RPA3: variants seen among roughly 807,000 people sequenced by gnomAD.
RPA3 encodes replication protein A3.
Under a neutral mutation model 13.7 loss-of-function variants are expected in RPA3, and 24 were observed. The ratio of observed to expected loss-of-function variants is 1.75; its 90% CI spans 1.27 to 2.46. The LOEUF (loss-of-function observed/expected upper bound fraction) is 2.46, where lower values mean the gene tolerates loss of function less well. RPA3 is among the 30% of genes most tolerant of loss of function. RPA3 has a pLI of 0.00. For missense variants in RPA3, 183 were observed against 151.0 expected, an observed-to-expected ratio of 1.21 and a Z score of -1.11; for synonymous variants, 59 against 51.2, an observed-to-expected ratio of 1.15 and a Z score of -0.65.
chr7:7,686,487 T>C (rs574345713), intron 3 of RPA3, among the ~76,000 whole-genome samples: 1 of 152,320 alleles, frequency 6.6e-6, no homozygotes, highest in Non-Finnish European at 1.5e-5. Context: ...TTCAGCAAGA[T>C]TGAGAATTAT....
At chr7:7,697,505 G>A (rs146163771) in intron 2 of RPA3, among the ~76,000 whole-genome samples, 1 of 152,148 alleles carries the variant, frequency 6.6e-6, no homozygotes, top group Admixed American at 6.6e-5. Flanking sequence ...TTTGAAATAT[G>A]ATTGTGGCTT....
intron 4 of RPA3, among the ~76,000 whole-genome samples, chr7:7,684,784 G>T (rs183468152): frequency 1.3e-5 from 2 of 152,318 alleles, no homozygotes; most frequent in East Asian, 3.9e-4. Flanking sequence ...ACCAACATCT[G>T]AGGTACCTTT....
At position 7,685,334 on chromosome 7, in the gene RPA3, G is replaced by T. The variant is rs1489017585; in HGVS notation, c.-758+496C>A. 2.8e-5 allele frequency among the ~76,000 whole-genome samples: 4 copies of T among 143,186 alleles called. No individual in the cohort carries two copies. In the South Asian group the frequency reaches 6.5e-4, roughly 23 times the overall value. The allele number at this position is 143,186 out of a possible 152,430, so 93.9% of individuals were successfully genotyped here. A position where few individuals can be genotyped will look rare whatever the true frequency, so the allele number is the denominator to read the frequency against. ...TTGATCTTTTTTTTTTTTTTGAGAC[G>T]GAGTCTTGCTCTGTCTCCAGGCTGG... On this transcript the variant is annotated intron_variant, in intron 4 of 7. Transcript: ENST00000223129.
intron 2 of RPA3, among the ~76,000 whole-genome samples, chr7:7,690,645 A>G (rs1780151731): frequency 6.6e-6 from 1 of 152,196 alleles, no homozygotes; most frequent in African/African-American, 2.4e-5. Context: ...TTTCTGTTTG[A>G]TAGTTATATA....
intron 4 of RPA3, among the ~76,000 whole-genome samples, chr7:7,663,751 G>T (rs1047187440): frequency 1.3e-5 from 2 of 152,104 alleles, no homozygotes; most frequent in African/African-American, 4.8e-5. Flanking sequence ...ATGCAAAATT[G>T]GTTAGTATCC....
chr7:7,657,588 T>C (rs931499165), intron 4 of RPA3, among the ~76,000 whole-genome samples: 2 of 152,194 alleles, frequency 1.3e-5, no homozygotes, highest in East Asian at 3.8e-4. Flanking sequence ...CCCATGCTTG[T>C]TTTTTTCAGG....
intron 4 of RPA3, among the ~76,000 whole-genome samples, chr7:7,654,207 T>G (rs1785290307): frequency 6.6e-6 from 1 of 152,176 alleles, no homozygotes; most frequent in African/African-American, 2.4e-5. Context: ...CCCTGACTAT[T>G]CTCTAGTAGA....
At chr7:7,671,623 T>G (rs1779607266) in intron 4 of RPA3, among the ~76,000 whole-genome samples, 1 of 152,176 alleles carries the variant, frequency 6.6e-6, no homozygotes, top group Non-Finnish European at 1.5e-5. Flanking sequence ...GCAAACCAAT[T>G]CTTTTCTGAC....
chr7:7,708,603 C>G (rs1014997620), intron 2 of RPA3, among the ~76,000 whole-genome samples: 5 of 152,124 alleles, frequency 3.3e-5, no homozygotes, highest in African/African-American at 1.2e-4. Context: ...CATATTTGTC[C>G]TTTTGGGACA....
intron 2 of RPA3, among the ~76,000 whole-genome samples, chr7:7,693,295 T>TCATCTATCTATC (rs71543842): frequency 9.4e-5 from 14 of 148,886 alleles, no homozygotes; most frequent in Admixed American, 6.7e-4. Flanking sequence ...TAAAATATCT[T>TCATCTATCTATC]TATCTATCTA....
At chr7:7,673,450 T>C in intron 4 of RPA3, 1 of 842,448 alleles carries the variant, frequency 1.2e-6, no homozygotes, top group South Asian at 1.4e-5. Flanking sequence ...ATTCGTCCTT[T>C]TAGGTGAGTC....
chr7:7,682,010 G>T (rs1345209426), intron 4 of RPA3, among the ~76,000 whole-genome samples: 1 of 152,088 alleles, frequency 6.6e-6, no homozygotes, highest in East Asian at 1.9e-4. Flanking sequence ...TATTGTTGTT[G>T]GTTCACTAAT....
chr7:7,704,598 GA>G (rs35661728), intron 2 of RPA3, among the ~76,000 whole-genome samples: 35,919 of 93,626 alleles, frequency 0.38, 5,156 homozygotes, highest in Middle Eastern at 0.48. Flanking sequence ...TACTAAAATA[GA>G]AAAAAAAAAA....
chr7:7,689,198 G>A (rs1780113039), intron 2 of RPA3: 2 of 152,136 alleles, frequency 1.3e-5, no homozygotes, highest in South Asian at 4.1e-4. Context: ...ATTTCTGACT[G>A]CGACATGAAG....
At chr7:7,675,316 C>T (rs955644754) in intron 4 of RPA3, among the ~76,000 whole-genome samples, 5 of 152,178 alleles carry the variant, frequency 3.3e-5, no homozygotes, top group Non-Finnish European at 7.3e-5. Context: ...TCTACTTTAT[C>T]CCTACTTCTC....
chr7:7,669,040 C>T (rs1583714095), intron 4 of RPA3, among the ~76,000 whole-genome samples: 1 of 150,970 alleles, frequency 6.6e-6, no homozygotes, highest in South Asian at 2.1e-4. Context: ...GGAGAATGGG[C>T]CAACTCTACA....
At chr7:7,658,457 T>G (rs1476743039) in intron 4 of RPA3, among the ~76,000 whole-genome samples, 2 of 152,232 alleles carry the variant, frequency 1.3e-5, no homozygotes, top group Admixed American at 6.5e-5. Context: ...TTGTCATAAA[T>G]AGCTCTTATT....
At chr7:7,637,640 A>C (rs551790709) in intron 7 of RPA3, among the ~76,000 whole-genome samples, 1 of 151,348 alleles carries the variant, frequency 6.6e-6, no homozygotes, top group Admixed American at 6.6e-5. Flanking sequence ...TATGTAATAC[A>C]AAATGTATGT....
chr7:7,673,704 TC>T (rs68160237), intron 4 of RPA3, among the ~76,000 whole-genome samples: 85,449 of 149,942 alleles, frequency 0.57, 24,519 homozygotes, highest in East Asian at 0.8. Flanking sequence ...CACTTCTTTT[TC>T]CCCCCCTTTT....
Sources: allele counts gnomAD v4.1 joint callset (sites outside exome capture counted in the v4.1 genomes callset), GRCh38; gene constraint gnomAD v4.1.1; transcripts MANE v1.5; gene names NCBI Gene and HGNC (gene_info 2026-07-23, HGNC 2026-07-21).